TUBB8B: variants seen among roughly 807,000 people sequenced by gnomAD.
TUBB8B encodes the protein tubulin beta 8B, also known as HSA18p11 beta-tubulin 4Q pseudogene.
Under a neutral mutation model 31.9 loss-of-function variants are expected in TUBB8B, and 26 were observed. The observed-to-expected ratio is 0.81, with a 90% CI of 0.60 to 1.13. The LOEUF is 1.13. Ranked by LOEUF, TUBB8B falls within the 50% of genes most tolerant of loss-of-function variation. The probability of loss-of-function intolerance (pLI) is 0.00; values close to 1 mark genes in which losing one functional copy is unlikely to be tolerated. For synonymous variants in TUBB8B, 173 were observed against 231.0 expected (o/e 0.75, Z 2.28); for missense variants, 467 against 586.7 (o/e 0.80, Z 2.11).
At chr18:71,133 A>T in the TUBB8B span, among the ~76,000 whole-genome samples, 1 of 151,922 alleles carries the variant, frequency 6.6e-6, no homozygotes. Flanking sequence ...TGGGAGGCTG[A>T]GGCAGGAGTA....
At chr18:68,123 T>C in the TUBB8B span, among the ~76,000 whole-genome samples, 1 of 152,194 alleles carries the variant, frequency 6.6e-6, no homozygotes, top group Non-Finnish European at 1.5e-5. Context: ...ATAGTGAAGT[T>C]TGATGTCGTC....
the TUBB8B span, among the ~76,000 whole-genome samples, chr18:64,943 C>G: frequency 6.6e-6 from 1 of 152,192 alleles, no homozygotes; most frequent in Non-Finnish European, 1.5e-5. Context: ...CTAAACCACA[C>G]TAGTACTTCA....
chr18:63,263 C>T, the TUBB8B span, among the ~76,000 whole-genome samples: 1 of 151,730 alleles, frequency 6.6e-6, no homozygotes, highest in Non-Finnish European at 1.5e-5. Flanking sequence ...CTTCTTTGTG[C>T]CCATTATTTT....
At chr18:58,661 C>T in the TUBB8B span, among the ~76,000 whole-genome samples, 1 of 151,722 alleles carries the variant, frequency 6.6e-6, no homozygotes, top group Non-Finnish European at 1.5e-5. Flanking sequence ...TCTTCTGAAT[C>T]CTACAAACTC....
upstream of TUBB8B, among the ~76,000 whole-genome samples, chr18:53,821 G>A: frequency 1.3e-5 from 2 of 151,882 alleles, 1 homozygote. Flanking sequence ...AGGGAGCCGA[G>A]CAAATTCAAC....
chr18:53,544 C>G (rs528915495), upstream of TUBB8B, among the ~76,000 whole-genome samples: 32 of 151,940 alleles, frequency 2.1e-4, no homozygotes, highest in Admixed American at 1.7e-3. Flanking sequence ...TCTTGGTTCA[C>G]TGAAACCTCT....
chr18:72,177 C>CAAAAAAAAAAAAAAAAAAAAAAAAAAAA, the TUBB8B span, among the ~76,000 whole-genome samples: 5 of 78,726 alleles, frequency 6.4e-5, no homozygotes, highest in Admixed American at 1.5e-4. Flanking sequence ...GACTCCATCT[C>CAAAAAAAAAAAAAAAAAAAAAAAAAAAA]AAAAAAAAAA....
At chr18:55,343 C>T in the TUBB8B span, among the ~76,000 whole-genome samples, 3 of 151,796 alleles carry the variant, frequency 2.0e-5, no homozygotes, top group Admixed American at 6.6e-5. Flanking sequence ...TCGTGATCCA[C>T]CCGCCACAGC....
chr18:53,882 T>A (rs574999456), upstream of TUBB8B, among the ~76,000 whole-genome samples: 20 of 151,944 alleles, frequency 1.3e-4, no homozygotes, highest in African/African-American at 4.6e-4. Flanking sequence ...CTAGAACACA[T>A]GTGATTAAAT....
rs778607416 is a variant in TUBB8B, at chr18:49,130, G to T, written c.165C>A (p.Ser55Arg). The T allele has an allele frequency of 2.0e-6, 3 of 1,510,820 alleles. No homozygotes were observed. Among genetic ancestry groups the T allele is most frequent in the Non-Finnish European group, 2.7e-6 (3 of 1,103,584 alleles). 93.6% of individuals were successfully genotyped at this position (1,510,820 alleles called of 1,614,324 possible). Residue 55 changes from serine (S) to arginine (R), a missense_variant and splice_region_variant, in exon 2 of 4, where the codon AGC becomes AGA. Coordinates refer to ENST00000308911, the MANE Select transcript of TUBB8B (RefSeq NM_001358689.2). ...ERINVHHHEASGGRYVPRAVL... is the reference protein window; with the variant it reads ...ERINVHHHEARGGRYVPRAVL... ...GTGGGAGAAGGACGGGGGTCGCACCGCTGGCCTCGTGGTGGTGCACGTTGA... is the reference window on the plus strand; with the variant it reads ...GTGGGAGAAGGACGGGGGTCGCACCTCTGGCCTCGTGGTGGTGCACGTTGA...
At chr18:71,845 T>A in the TUBB8B span, among the ~76,000 whole-genome samples, 1 of 151,810 alleles carries the variant, frequency 6.6e-6, no homozygotes, top group African/African-American at 2.4e-5. Flanking sequence ...ATCGCGCCAC[T>A]GCAGTCCAGC....
the TUBB8B span, among the ~76,000 whole-genome samples, chr18:67,441 A>G: frequency 6.6e-6 from 1 of 152,220 alleles, no homozygotes; most frequent in Non-Finnish European, 1.5e-5. Context: ...CCTGGGCTCA[A>G]AAGATCCTCC....
Position 48,940 on chromosome 18 carries a change from C to T in TUBB8B, c.277G>A (p.Gly93Ser), listed in dbSNP as rs537178211. The T allele has an allele frequency of 3.0e-5, 47 of 1,574,808 alleles. No individual in the cohort carries two copies. Among genetic ancestry groups the T allele is most frequent in the Non-Finnish European group, 3.8e-5 (44 of 1,148,818 alleles). The change falls in exon 3 of 4, where the codon GGT becomes AGT. Residue 93 changes from glycine (G) to serine (S), a missense_variant and splice_region_variant. Gly to Ser is a moderately conservative substitution (Grantham distance 56, BLOSUM62 0). Transcript: ENST00000308911. The part of the protein sequence containing the change: ...QVFRPDNFIS[G>S]QCGAGNNWAK... ...ACCCCAGTCCTCGCCCGCAGCTCAC[C>T]GGAAATGAAGTTGTCTGGCCTGAAG...
At chr18:59,047 T>C in the TUBB8B span, among the ~76,000 whole-genome samples, 1 of 151,764 alleles carries the variant, frequency 6.6e-6, no homozygotes, top group African/African-American at 2.4e-5. Flanking sequence ...ATGAAGATAG[T>C]ACCAAGTGGG....
At chr18:70,578 T>C in the TUBB8B span, among the ~76,000 whole-genome samples, 1 of 152,134 alleles carries the variant, frequency 6.6e-6, no homozygotes, top group African/African-American at 2.4e-5. Context: ...GAGGTTGCAG[T>C]GAGCGGAGAT....
chr18:68,328 C>T, the TUBB8B span, among the ~76,000 whole-genome samples: 1 of 152,216 alleles, frequency 6.6e-6, no homozygotes, highest in African/African-American at 2.4e-5. Context: ...CAGCTAACCA[C>T]CACGTAACTC....
the TUBB8B span, among the ~76,000 whole-genome samples, chr18:65,792 T>C: frequency 4.4e-3 from 663 of 152,342 alleles, 19 homozygotes; most frequent in Admixed American, 0.033. Context: ...AGCTATCTTA[T>C]GTGCAGAAAT....
chr18:69,513 C>T, the TUBB8B span, among the ~76,000 whole-genome samples: 1 of 152,000 alleles, frequency 6.6e-6, no homozygotes, highest in Admixed American at 6.6e-5. Flanking sequence ...TCTTCTGCTG[C>T]CTCCTAAATA....
the TUBB8B span, among the ~76,000 whole-genome samples, chr18:67,159 C>G: frequency 1.3e-5 from 2 of 152,042 alleles, no homozygotes; most frequent in Admixed American, 1.3e-4. Context: ...CCATGCCCAG[C>G]TAATGTTTTG....
Sources: gnomAD v4.1 joint callset for allele counts (sites outside exome capture counted in the v4.1 genomes callset) on GRCh38, gnomAD v4.1.1 for gene constraint, MANE v1.5 for transcripts, NCBI Gene and HGNC (gene_info 2026-07-23, HGNC 2026-07-21) for gene names.